Variants in DPP10 observed in about 807,000 individuals in gnomAD.
The protein encoded by DPP10 is dipeptidyl peptidase like 10, also known as inactive dipeptidyl peptidase 10.
A neutral mutation model predicts 120.9 loss-of-function variants in DPP10; 33 were observed. That is an observed-to-expected ratio of 0.27 (90% CI 0.21 to 0.37). The LOEUF (loss-of-function observed/expected upper bound fraction) is 0.37. DPP10 is among the 10% of genes least tolerant of loss of function. The probability of loss-of-function intolerance (pLI) is 1.00; values close to 1 mark genes in which losing one functional copy is unlikely to be tolerated. For missense variants in DPP10, 816 were observed against 942.8 expected (o/e 0.87, Z 1.76); for synonymous variants, 337 against 326.1 (o/e 1.03, Z -0.36).
chr2:115,737,647 G>T (rs1414698328), intron 8 of DPP10, among the ~76,000 whole-genome samples: 2 of 152,096 alleles, frequency 1.3e-5, no homozygotes, highest in South Asian at 2.1e-4. Flanking sequence ...CAGTTGCAAG[G>T]CCCCCTGGTA....
chr2:114,866,639 C>T (rs988878894), intron 1 of DPP10, among the ~76,000 whole-genome samples: 3 of 152,114 alleles, frequency 2.0e-5, no homozygotes, highest in Non-Finnish European at 2.9e-5. Context: ...AAGTAATTTG[C>T]CCAAGGTCAC....
chr2:114,973,457 C>T (rs1048939021), intron 1 of DPP10, among the ~76,000 whole-genome samples: 3 of 151,432 alleles, frequency 2.0e-5, no homozygotes, highest in African/African-American at 7.3e-5. Flanking sequence ...GTCAGGAGAT[C>T]GAGACCATCC....
At chr2:115,189,232 T>C (rs2054687219) in intron 1 of DPP10, among the ~76,000 whole-genome samples, 1 of 152,218 alleles carries the variant, frequency 6.6e-6, no homozygotes, top group Non-Finnish European at 1.5e-5. Context: ...TGTCTAGGGT[T>C]GGACCACACA....
chr2:115,324,142 G>A (rs909501175), intron 2 of DPP10, among the ~76,000 whole-genome samples: 4 of 152,166 alleles, frequency 2.6e-5, no homozygotes, highest in African/African-American at 9.7e-5. Flanking sequence ...CAGGCAGGGT[G>A]TCACGTGCCT....
chr2:115,337,491 C>G (rs1342138147), intron 2 of DPP10, among the ~76,000 whole-genome samples: 1 of 151,824 alleles, frequency 6.6e-6, no homozygotes, highest in Non-Finnish European at 1.5e-5. Context: ...CAAGTTTCAG[C>G]TCTGCCAATT....
At chr2:115,426,643 G>A (rs1022292988) in intron 3 of DPP10, among the ~76,000 whole-genome samples, 22 of 150,928 alleles carry the variant, frequency 1.5e-4, no homozygotes, top group African/African-American at 2.7e-4. Flanking sequence ...CACCTCCGAC[G>A]CTGGAGATGA....
chr2:114,453,881 C>T (rs1678420524), intron 1 of DPP10, among the ~76,000 whole-genome samples: 1 of 152,104 alleles, frequency 6.6e-6, no homozygotes, highest in Non-Finnish European at 1.5e-5. Flanking sequence ...GTTGGATATA[C>T]AATAGATATT....
At chr2:115,104,778 C>T (rs193013422) in intron 1 of DPP10, among the ~76,000 whole-genome samples, 25 of 152,214 alleles carry the variant, frequency 1.6e-4, no homozygotes, top group African/African-American at 5.1e-4. Context: ...GAGGCCGAGG[C>T]GGGTGGATCA....
chr2:115,080,463 T>C (rs1708182143), intron 1 of DPP10, among the ~76,000 whole-genome samples: 1 of 152,312 alleles, frequency 6.6e-6, no homozygotes, highest in East Asian at 1.9e-4. Flanking sequence ...CTGCAAATTA[T>C]GGCCCCTGGA....
chr2:114,954,277 G>T (rs371693581), intron 1 of DPP10, among the ~76,000 whole-genome samples: 1 of 151,812 alleles, frequency 6.6e-6, no homozygotes, highest in Non-Finnish European at 1.5e-5. Context: ...TAGAGACAGG[G>T]TTTCACCGTG....
intron 8 of DPP10, among the ~76,000 whole-genome samples, chr2:115,730,203 A>G (rs79346962): frequency 0.02 from 2,973 of 152,274 alleles, 87 homozygotes; most frequent in African/African-American, 0.066. Context: ...TCTATGTTCT[A>G]TCAAGAGATA....
intron 7 of DPP10, 122 bp downstream of exon 7, chr2:115,690,043 C>A: frequency 1.2e-6 from 1 of 830,552 alleles, no homozygotes; most frequent in Non-Finnish European, 1.9e-6. Flanking sequence ...TTCCCTAAGT[C>A]CTTTATATCT....
At chr2:114,508,738 A>G (rs1683886108) in intron 1 of DPP10, among the ~76,000 whole-genome samples, 1 of 152,004 alleles carries the variant, frequency 6.6e-6, no homozygotes, top group Non-Finnish European at 1.5e-5. Context: ...TCCTCCTCTC[A>G]GAGAGGCTGC....
chr2:114,738,895 G>A (rs1358753859), intron 1 of DPP10, among the ~76,000 whole-genome samples: 4 of 151,978 alleles, frequency 2.6e-5, no homozygotes, highest in East Asian at 3.9e-4. Flanking sequence ...CCAGATATGT[G>A]GGGAGAGCTT....
intron 1 of DPP10, among the ~76,000 whole-genome samples, chr2:114,554,288 G>A (rs147190239): frequency 3.1e-4 from 47 of 152,294 alleles, no homozygotes; most frequent in African/African-American, 1.1e-3. Context: ...CTGAATAGAA[G>A]ATGCCAGCGC....
chr2:115,571,753 G>T (rs1450288330), intron 5 of DPP10, among the ~76,000 whole-genome samples: 1 of 150,494 alleles, frequency 6.6e-6, no homozygotes, highest in Non-Finnish European at 1.5e-5. Context: ...CATGAAAGTG[G>T]AGAAAAATAT....
At chr2:115,805,193 A>T (rs1685778754) in intron 19 of DPP10, among the ~76,000 whole-genome samples, 2 of 152,004 alleles carry the variant, frequency 1.3e-5, no homozygotes. Context: ...CTGTGCTAGC[A>T]ATCAGCGAGG....
chr2:114,973,522 C>A (rs1474836186), intron 1 of DPP10, among the ~76,000 whole-genome samples: 1 of 151,368 alleles, frequency 6.6e-6, no homozygotes, highest in Admixed American at 6.6e-5. Context: ...ATTAGCCGGG[C>A]GTGGTGGCGG....
intron 5 of DPP10, among the ~76,000 whole-genome samples, chr2:115,656,157 C>G (rs919885357): frequency 1.3e-4 from 19 of 151,296 alleles, no homozygotes; most frequent in African/African-American, 3.9e-4. Context: ...CACACACACA[C>G]ACACACACAC....
Sources: gnomAD v4.1 joint callset for allele counts (sites outside exome capture counted in the v4.1 genomes callset) on GRCh38, gnomAD v4.1.1 for gene constraint, MANE v1.5 for transcripts, NCBI Gene and HGNC (gene_info 2026-07-23, HGNC 2026-07-21) for gene names.